Variants in TTLL11 observed in about 807,000 individuals in gnomAD.
TTLL11 encodes tubulin polyglutamylase TTLL11.
In TTLL11, 42 loss-of-function variants were observed where a neutral mutation model predicts 51.7. The ratio of observed to expected loss-of-function variants is 0.81; its 90% CI spans 0.64 to 1.05. The LOEUF is 1.05. Among genes scored for constraint, TTLL11 ranks in the 50% least tolerant of loss-of-function variants. TTLL11 has a pLI of 0.00. For synonymous variants in TTLL11, 381 were observed against 383.5 expected (o/e 0.99, Z 0.08); for missense variants, 799 against 940.4 (o/e 0.85, Z 1.97).
intron 3 of TTLL11, among the ~76,000 whole-genome samples, chr9:122,030,276 C>T (rs1296272197): frequency 1.3e-5 from 2 of 149,556 alleles, no homozygotes; most frequent in African/African-American, 4.9e-5. Flanking sequence ...GCATAGTTTG[C>T]ATACAATTAA....
chr9:121,842,259 A>ATTTTT (rs1427793063), intron 8 of TTLL11, among the ~76,000 whole-genome samples: 1 of 146,090 alleles, frequency 6.8e-6, no homozygotes, highest in African/African-American at 2.6e-5. Flanking sequence ...CTTTTTTTTA[A>ATTTTT]AAAAAAAAGA....
At chr9:121,955,284 G>C (rs1415742748) in intron 6 of TTLL11, among the ~76,000 whole-genome samples, 1 of 152,178 alleles carries the variant, frequency 6.6e-6, no homozygotes, top group East Asian at 1.9e-4. Context: ...GTAGAAAACT[G>C]TGTGTTTTAA....
At chr9:121,988,884 G>C (rs992070920) in intron 4 of TTLL11, 1 of 509,412 alleles carries the variant, frequency 2.0e-6, no homozygotes, top group Admixed American at 3.8e-5. Flanking sequence ...GAATGAATGA[G>C]TAAACGAATG....
intron 3 of TTLL11, among the ~76,000 whole-genome samples, chr9:122,017,792 A>T (rs1031502886): frequency 6.6e-6 from 1 of 152,150 alleles, no homozygotes. Flanking sequence ...GTCATAATGC[A>T]TCTATGCAGC....
intron 3 of TTLL11, among the ~76,000 whole-genome samples, chr9:122,030,203 G>GC (rs956994704): frequency 5.5e-4 from 29 of 53,074 alleles, no homozygotes; most frequent in African/African-American, 2.2e-3. Flanking sequence ...GAGAGACATT[G>GC]GGGGGGGGGG....
Position 121,902,886 on chromosome 9 carries a change from G to A in TTLL11, c.1482-32138C>T, listed in dbSNP as rs539034674. 5.3e-5 allele frequency among the ~76,000 whole-genome samples: 8 copies of A among 152,230 alleles called. 1 individual carries two copies. The South Asian group carries it at 1.7e-3, about 32-fold the overall frequency. On this transcript the variant is annotated intron_variant, in intron 6 of 8. Transcript: ENST00000321582. ...CCTTTTCTGCTCTGACATTCAGCAA[G>A]CATTTTCTCTCTCTCACAGAGTCAC...
chr9:122,091,933 A>G (rs1416027590), intron 1 of TTLL11, among the ~76,000 whole-genome samples: 1 of 152,164 alleles, frequency 6.6e-6, no homozygotes, highest in Non-Finnish European at 1.5e-5. Context: ...GCTTACTGAC[A>G]CATGCCGTAA....
chr9:121,949,888 T>C (rs963259993), intron 6 of TTLL11, among the ~76,000 whole-genome samples: 1 of 152,094 alleles, frequency 6.6e-6, no homozygotes, highest in Non-Finnish European at 1.5e-5. Flanking sequence ...CCTCAAGTCT[T>C]CTCTGCCCCA....
chr9:121,944,050 T>C (rs1841581533), intron 6 of TTLL11, among the ~76,000 whole-genome samples: 1 of 152,244 alleles, frequency 6.6e-6, no homozygotes, highest in Non-Finnish European at 1.5e-5. Context: ...AGTGATTTTA[T>C]ACAATTGCAT....
intron 6 of TTLL11, among the ~76,000 whole-genome samples, chr9:121,965,006 T>C (rs1588160246): frequency 6.6e-6 from 1 of 152,234 alleles, no homozygotes; most frequent in South Asian, 2.1e-4. Context: ...AGTCTTCCCC[T>C]GACACACAGT....
chr9:122,016,335 G>T (rs1843979334), intron 3 of TTLL11, among the ~76,000 whole-genome samples: 1 of 152,172 alleles, frequency 6.6e-6, no homozygotes, highest in Non-Finnish European at 1.5e-5. Flanking sequence ...AGCTGCCGAG[G>T]TTGGCAAGGG....
chr9:122,054,087 G>A (rs1052082899), intron 1 of TTLL11, among the ~76,000 whole-genome samples: 39 of 150,156 alleles, frequency 2.6e-4, no homozygotes, highest in African/African-American at 7.0e-4. Flanking sequence ...ATGATACCCC[G>A]GGTAAGCGTG....
intron 8 of TTLL11, among the ~76,000 whole-genome samples, chr9:121,858,168 C>A (rs1190917135): frequency 6.6e-6 from 1 of 152,242 alleles, no homozygotes; most frequent in Admixed American, 6.5e-5. Flanking sequence ...TGTAAGGGAG[C>A]TGCCAACTGC....
intron 3 of TTLL11, among the ~76,000 whole-genome samples, chr9:122,031,021 G>T (rs992551698): frequency 6.6e-6 from 1 of 152,184 alleles, no homozygotes; most frequent in African/African-American, 2.4e-5. Context: ...AGTAAATGGT[G>T]TTAGCCTTAT....
intron 8 of TTLL11, among the ~76,000 whole-genome samples, chr9:121,849,020 A>G (rs1837593356): frequency 1.3e-5 from 2 of 152,268 alleles, no homozygotes; most frequent in African/African-American, 4.8e-5. Flanking sequence ...TCTAGTAATC[A>G]AAACAGTATG....
chr9:122,092,702 C>A lies in TTLL11; in HGVS notation c.447G>T (p.Gln149His). 6.5e-7 allele frequency: 1 copy of A among 1,537,356 alleles called. No individual in the cohort carries two copies. Among genetic ancestry groups the A allele is most frequent in the Middle Eastern group, 2.1e-4 (1 of 4,678 alleles). The change falls in exon 1 of 9, where the codon CAG (glutamine) becomes CAT (histidine). Residue 149 changes from glutamine to histidine, a missense_variant. By Grantham distance (24) the Gln-to-His change is conservative (BLOSUM62 0). This residue lies in a region of TTLL11 where 468 missense variants were observed against 612.8 expected (regional missense o/e 0.76). Coordinates refer to ENST00000321582, the MANE Select transcript of TTLL11 (RefSeq NM_001139442.2). ...CGGGCCTCACCTCCTTCCACTTGAG[C>A]TGGCGGATGCTGATCTTCAGGGCAT... ...SLDALKISIRQLKWKEFPFGR... is the reference protein window; with the variant it reads ...SLDALKISIRHLKWKEFPFGR...
chr9:122,057,322 C>CTT (rs58226814), intron 1 of TTLL11, among the ~76,000 whole-genome samples: 5 of 128,164 alleles, frequency 3.9e-5, no homozygotes, highest in African/African-American at 6.1e-5. Flanking sequence ...AGCTCAAATC[C>CTT]TTTTTTTTTT....
chr9:121,820,650 C>A lies in TTLL11; in HGVS notation c.*1937G>T, dbSNP rs1167332867. ...CTGACTACATGGCCTCCTGGGCCTT[C>A]CTTTCCTCATCTGAAAGGGGAGCAG... On this transcript the variant is annotated 3_prime_UTR_variant, in exon 9 of 9. Transcript: ENST00000321582. Among the ~76,000 whole-genome samples the A allele has an allele frequency of 6.6e-6, 1 of 152,092 alleles. No individual in the cohort carries two copies. Among genetic ancestry groups the A allele is most frequent in the African/African-American group, 2.4e-5 (1 of 41,410 alleles).
At chr9:121,953,716 G>C (rs2131608225) in intron 6 of TTLL11, among the ~76,000 whole-genome samples, 1 of 147,182 alleles carries the variant, frequency 6.8e-6, no homozygotes, top group Non-Finnish European at 1.5e-5. Flanking sequence ...AGTTTATAGA[G>C]ACCAACCCCT....
Sources: gnomAD v4.1 joint callset for allele counts (sites outside exome capture counted in the v4.1 genomes callset) on GRCh38, gnomAD v4.1.1 for gene constraint, gnomAD v4.1.1 regional missense constraint, MANE v1.5 for transcripts, NCBI Gene and HGNC (gene_info 2026-07-23, HGNC 2026-07-21) for gene names.